Variants in PRR16 observed in about 807,000 individuals in gnomAD.
The protein encoded by PRR16 is proline rich 16.
PRR16 carries 6 observed loss-of-function variants against 18.2 expected under a neutral mutation model. That is an observed-to-expected ratio of 0.33 (90% confidence interval 0.18 to 0.65). PRR16 has a LOEUF of 0.65. Among genes scored for constraint, PRR16 ranks in the 30% least tolerant of loss-of-function variants. The pLI, the probability that PRR16 is intolerant of heterozygous loss-of-function variation, is 0.74. For synonymous variants in PRR16, 151 were observed against 147.8 expected, an observed-to-expected ratio of 1.02 and a Z score of -0.16; for missense variants, 412 against 376.6, an observed-to-expected ratio of 1.09 and a Z score of -0.78.
At chr5:120,695,539 C>T in the PRR16 span, among the ~76,000 whole-genome samples, 6 of 152,142 alleles carry the variant, frequency 3.9e-5, no homozygotes, top group African/African-American at 1.4e-4. Context: ...CACCTGCCTG[C>T]TCACTTGACC....
chr5:120,551,853 C>T (rs564755167), intron 1 of PRR16, among the ~76,000 whole-genome samples: 21 of 152,048 alleles, frequency 1.4e-4, no homozygotes, highest in African/African-American at 5.1e-4. Flanking sequence ...TCTTGCTATG[C>T]TAGCATCATG....
chr5:120,662,940 C>T (rs1340818707), intron 1 of PRR16, among the ~76,000 whole-genome samples: 1 of 152,108 alleles, frequency 6.6e-6, no homozygotes, highest in Non-Finnish European at 1.5e-5. Flanking sequence ...TCCACCACCA[C>T]ATTCAGGGTT....
chr5:120,733,994 A>G, the PRR16 span, among the ~76,000 whole-genome samples: 1 of 151,840 alleles, frequency 6.6e-6, no homozygotes. Flanking sequence ...GTGTAGGCAG[A>G]AAAAAAAATC....
intron 1 of PRR16, among the ~76,000 whole-genome samples, chr5:120,466,534 A>G (rs1749112425): frequency 6.6e-6 from 1 of 152,228 alleles, no homozygotes; most frequent in Non-Finnish European, 1.5e-5. Flanking sequence ...AAGAAACTGC[A>G]CATGGTCCTG....
intron 1 of PRR16, among the ~76,000 whole-genome samples, chr5:120,642,986 A>G (rs573827772): frequency 6.6e-6 from 1 of 152,226 alleles, no homozygotes; most frequent in East Asian, 1.9e-4. Context: ...TTAGTCATTA[A>G]TCAATATTTG....
the PRR16 span, among the ~76,000 whole-genome samples, chr5:120,706,010 C>T: frequency 6.6e-6 from 1 of 152,136 alleles, no homozygotes; most frequent in Non-Finnish European, 1.5e-5. Flanking sequence ...TGTGCTTTAA[C>T]AGTCATATAA....
At chr5:120,499,954 A>T (rs1248091715) in intron 1 of PRR16, among the ~76,000 whole-genome samples, 1 of 152,148 alleles carries the variant, frequency 6.6e-6, no homozygotes, top group Non-Finnish European at 1.5e-5. Context: ...GGAAAGAGGG[A>T]AAGTAGAGTG....
intron 1 of PRR16, among the ~76,000 whole-genome samples, chr5:120,628,709 T>C (rs1754955157): frequency 7.9e-6 from 1 of 126,284 alleles, no homozygotes; most frequent in Non-Finnish European, 1.6e-5. Flanking sequence ...TATCTATCTA[T>C]CTATCTATCT....
intron 1 of PRR16, among the ~76,000 whole-genome samples, chr5:120,609,576 A>G (rs1026053771): frequency 2.0e-5 from 3 of 152,202 alleles, no homozygotes; most frequent in South Asian, 2.1e-4. Context: ...CAGTAATATT[A>G]AAGTAAAATA....
At chr5:120,493,104 T>G (rs1295308783) in intron 1 of PRR16, among the ~76,000 whole-genome samples, 1 of 152,218 alleles carries the variant, frequency 6.6e-6, no homozygotes, top group African/African-American at 2.4e-5. Flanking sequence ...GAATGGTAGA[T>G]CTACTTTCAG....
At chr5:120,585,374 C>CCTAG (rs1242854066) in intron 1 of PRR16, among the ~76,000 whole-genome samples, 6 of 152,054 alleles carry the variant, frequency 3.9e-5, no homozygotes, top group Non-Finnish European at 8.8e-5. Flanking sequence ...CTTTGGGAGG[C>CCTAG]TGAGATGGGC....
the PRR16 span, among the ~76,000 whole-genome samples, chr5:120,734,324 CCTCT>C: frequency 3.3e-5 from 5 of 151,074 alleles, no homozygotes; most frequent in South Asian, 2.1e-4. Context: ...TTTTCACACT[CCTCT>C]CTCTCTCTCT....
intron 1 of PRR16, among the ~76,000 whole-genome samples, chr5:120,514,375 A>T (rs79406011): frequency 0.15 from 22,736 of 152,134 alleles, 1,802 homozygotes; most frequent in Non-Finnish European, 0.18. Flanking sequence ...TGGTCCCCTT[A>T]GTATTCTCTC....
chr5:120,761,637 AATATTTTGTT>A, the PRR16 span, among the ~76,000 whole-genome samples: 1 of 152,116 alleles, frequency 6.6e-6, no homozygotes, highest in Non-Finnish European at 1.5e-5. Flanking sequence ...TGGTACATGT[AATATTTTGTT>A]ATATGCCTAG....
At chr5:120,770,647 A>G in the PRR16 span, among the ~76,000 whole-genome samples, 1 of 152,010 alleles carries the variant, frequency 6.6e-6, no homozygotes, top group Non-Finnish European at 1.5e-5. Context: ...CTAAAGAATG[A>G]GAGAAAATAC....
chr5:120,669,872 G>A (rs1756536405), intron 1 of PRR16, among the ~76,000 whole-genome samples: 1 of 151,916 alleles, frequency 6.6e-6, no homozygotes, highest in African/African-American at 2.4e-5. Context: ...ATACCGTTTT[G>A]AACACTGGGG....
At chr5:120,736,109 C>G in the PRR16 span, among the ~76,000 whole-genome samples, 1 of 152,134 alleles carries the variant, frequency 6.6e-6, no homozygotes, top group African/African-American at 2.4e-5. Context: ...ACACCCTTGT[C>G]AAAGATCATT....
intron 1 of PRR16, among the ~76,000 whole-genome samples, chr5:120,668,006 C>G (rs895090393): frequency 6.6e-6 from 1 of 152,014 alleles, no homozygotes; most frequent in Non-Finnish European, 1.5e-5. Context: ...TCCTGGGTAT[C>G]CTTGTTAACT....
At chr5:120,506,559 A>G (rs1369567122) in intron 1 of PRR16, among the ~76,000 whole-genome samples, 3 of 152,108 alleles carry the variant, frequency 2.0e-5, no homozygotes, top group Admixed American at 6.6e-5. Context: ...GGTAAAAGCC[A>G]TTTTAACCAG....
Sources: allele counts gnomAD v4.1 joint callset (sites outside exome capture counted in the v4.1 genomes callset), GRCh38; gene constraint gnomAD v4.1.1; transcripts MANE v1.5; gene names NCBI Gene and HGNC (gene_info 2026-07-23, HGNC 2026-07-21).